Variants in GRB14 observed in about 807,000 individuals in gnomAD.
GRB14 encodes growth factor receptor bound protein 14, also known as growth factor receptor-bound protein 14.
A neutral mutation model predicts 69.1 loss-of-function variants in GRB14; 38 were observed. The ratio of observed to expected loss-of-function variants is 0.55; its 90% confidence interval spans 0.42 to 0.72. The LOEUF (loss-of-function observed/expected upper bound fraction) is 0.72. GRB14 is among the 30% of genes least tolerant of loss of function. The pLI is 0.00. For synonymous variants in GRB14, 247 were observed against 241.3 expected, an observed-to-expected ratio of 1.02 and a Z score of -0.22; for missense variants, 666 against 666.1, an observed-to-expected ratio of 1.00 and a Z score of 0.00.
chr2:164,514,821 C>G (rs974369380), intron 6 of GRB14, among the ~76,000 whole-genome samples: 2 of 152,162 alleles, frequency 1.3e-5, no homozygotes, highest in Non-Finnish European at 2.9e-5. Flanking sequence ...GAGGCAAGTT[C>G]TCAGCCCTGT....
intron 2 of GRB14, among the ~76,000 whole-genome samples, chr2:164,595,617 T>C (rs1299329120): frequency 6.6e-6 from 1 of 152,198 alleles, no homozygotes; most frequent in Non-Finnish European, 1.5e-5. Flanking sequence ...GGTTCTATTC[T>C]ACAGGCAGTG....
chr2:164,568,262 GA>G (rs773777348), intron 2 of GRB14: 74 of 1,139,068 alleles, frequency 6.5e-5, no homozygotes, highest in East Asian at 6.4e-4. Flanking sequence ...AGTAACAGGG[GA>G]AAAAAAGCAG....
At chr2:164,579,087 CAATAA>C (rs1689327371) in intron 2 of GRB14, among the ~76,000 whole-genome samples, 1 of 151,824 alleles carries the variant, frequency 6.6e-6, no homozygotes, top group Non-Finnish European at 1.5e-5. Context: ...TGTGTAAAAA[CAATAA>C]AATATCCTAT....
intron 2 of GRB14, among the ~76,000 whole-genome samples, chr2:164,579,477 C>G (rs1241564416): frequency 6.6e-6 from 1 of 151,530 alleles, no homozygotes; most frequent in African/African-American, 2.4e-5. Flanking sequence ...TGGCCAGGAC[C>G]TCATTTTATT....
intron 2 of GRB14, among the ~76,000 whole-genome samples, chr2:164,612,617 T>C (rs939476182): frequency 6.6e-6 from 1 of 152,212 alleles, no homozygotes; most frequent in Admixed American, 6.5e-5. Context: ...ACTTATACAA[T>C]AGAGTTTATT....
intron 4 of GRB14, 39 bp from the exon 5 acceptor site, chr2:164,525,117 G>T (rs753982569): frequency 1.5e-6 from 2 of 1,299,606 alleles, no homozygotes; most frequent in South Asian, 1.2e-5. Flanking sequence ...CAAAATTCAT[G>T]CTAGAAAAGA....
chr2:164,502,461 C>G (rs1216922409), intron 8 of GRB14, 126 bp from the exon 9 acceptor site: 1 of 600,260 alleles, frequency 1.7e-6, no homozygotes, highest in East Asian at 2.9e-5. Context: ...AGTAAAGCAA[C>G]CAAAATTTTG....
Position 164,568,487 on chromosome 2 carries a change from G to A in GRB14, c.325-20671C>T, listed in dbSNP as rs529121031. The A allele has an allele frequency of 2.4e-4, 270 of 1,139,012 alleles. 2 individuals are homozygous for A. In the Middle Eastern group the frequency reaches 2.9e-3, roughly 12 times the overall value. The allele number at this position is 1,139,012 out of a possible 1,614,324, so 70.6% of individuals were successfully genotyped here. On this transcript the variant is annotated intron_variant, in intron 2 of 13. Coordinates refer to ENST00000263915, the MANE Select transcript of GRB14 (RefSeq NM_004490.3). ...GGGCTCAGTGCAATGAAACAACTAG[G>A]AAAGTAATAAATGTCACCCTGCTTA...
At chr2:164,549,939 T>TAAAATAAAATAAAATA (rs1688492658) in intron 2 of GRB14, among the ~76,000 whole-genome samples, 1 of 139,624 alleles carries the variant, frequency 7.2e-6, no homozygotes, top group African/African-American at 2.7e-5. Flanking sequence ...AAAATAAAAT[T>TAAAATAAAATAAAATA]TCATATTCTA....
At chr2:164,552,275 T>C (rs1688559654) in intron 2 of GRB14, among the ~76,000 whole-genome samples, 1 of 152,224 alleles carries the variant, frequency 6.6e-6, no homozygotes. Context: ...GAAAAGTCTC[T>C]CTTTATTCAT....
chr2:164,588,433 T>G (rs1424395648), intron 2 of GRB14, among the ~76,000 whole-genome samples: 1 of 152,182 alleles, frequency 6.6e-6, no homozygotes, highest in East Asian at 1.9e-4. Flanking sequence ...CTATGCTGTT[T>G]CTGCCAGTGG....
intron 12 of GRB14, among the ~76,000 whole-genome samples, chr2:164,496,713 A>G (rs1686908501): frequency 6.6e-6 from 1 of 152,174 alleles, no homozygotes; most frequent in African/African-American, 2.4e-5. Context: ...CCATCAATTG[A>G]TATCTGAGAT....
At chr2:164,555,396 T>A (rs1391079258) in intron 2 of GRB14, among the ~76,000 whole-genome samples, 1 of 151,978 alleles carries the variant, frequency 6.6e-6, no homozygotes, top group Non-Finnish European at 1.5e-5. Flanking sequence ...AAATCATCAT[T>A]CAGCAGGTAA....
chr2:164,532,018 T>A (rs1337950802), intron 3 of GRB14, among the ~76,000 whole-genome samples: 1 of 151,982 alleles, frequency 6.6e-6, no homozygotes, highest in African/African-American at 2.4e-5. Context: ...AACCTAAGGG[T>A]CATCATGATA....
rs142967742 is a variant in GRB14, at chr2:164,592,008, C to T, written c.324+27679G>A. 3.2e-4 allele frequency among the ~76,000 whole-genome samples: 48 copies of T among 152,282 alleles called. 1 individual carries two copies. Among genetic ancestry groups the T allele is most frequent in the African/African-American group, 1.1e-3 (45 of 41,554 alleles). ...TGCTTGGTTCTCACTTCTCTCTTGCCTGCCACCATGTAAGATGTGCCTTTT... is the reference window on the plus strand; with the variant it reads ...TGCTTGGTTCTCACTTCTCTCTTGCTTGCCACCATGTAAGATGTGCCTTTT... On this transcript the variant is annotated intron_variant, in intron 2 of 13. Transcript: ENST00000263915.
intron 2 of GRB14, among the ~76,000 whole-genome samples, chr2:164,578,913 A>G (rs1283082361): frequency 6.6e-6 from 1 of 152,218 alleles, no homozygotes; most frequent in Non-Finnish European, 1.5e-5. Flanking sequence ...AACACCATAT[A>G]TACTGGAAAT....
At chr2:164,597,399 A>G (rs1399693711) in intron 2 of GRB14, among the ~76,000 whole-genome samples, 2 of 152,184 alleles carry the variant, frequency 1.3e-5, no homozygotes, top group African/African-American at 4.8e-5. Context: ...AAATTATGTG[A>G]TAGGGATTAT....
intron 2 of GRB14, among the ~76,000 whole-genome samples, chr2:164,598,949 G>A (rs986778508): frequency 2.1e-4 from 32 of 152,210 alleles, no homozygotes; most frequent in Admixed American, 1.6e-3. Flanking sequence ...TAACGCTTAC[G>A]TTACATCTCA....
chr2:164,567,960 T>C (rs1320885590), intron 2 of GRB14, among the ~76,000 whole-genome samples: 1 of 151,814 alleles, frequency 6.6e-6, no homozygotes, highest in Non-Finnish European at 1.5e-5. Context: ...AGTAAACAAA[T>C]ATAAGACATA....
Sources: gnomAD v4.1 joint callset for allele counts (sites outside exome capture counted in the v4.1 genomes callset) on GRCh38, gnomAD v4.1.1 for gene constraint, MANE v1.5 for transcripts, NCBI Gene and HGNC (gene_info 2026-07-23, HGNC 2026-07-21) for gene names.